The following CSF2RA variants were observed in gnomAD, a reference collection of about 807,000 sequenced individuals.
CSF2RA encodes colony stimulating factor 2 receptor subunit alpha.
A neutral mutation model predicts 51.6 loss-of-function variants in CSF2RA; 42 were observed. The ratio of observed to expected loss-of-function variants is 0.81; its 90% CI spans 0.64 to 1.05. The LOEUF is 1.05. Among genes scored for constraint, CSF2RA ranks in the 50% least tolerant of loss-of-function variants. CSF2RA has a pLI of 0.00. For missense variants in CSF2RA, 530 were observed against 501.1 expected (o/e 1.06, Z -0.55); for synonymous variants, 222 against 193.0 (o/e 1.15, Z -1.24).
the CSF2RA span, among the ~76,000 whole-genome samples, chrX:1,317,912 T>A: frequency 0.035 from 5,320 of 151,286 alleles, 316 homozygotes; most frequent in African/African-American, 0.12. Flanking sequence ...GCTTAAACAA[T>A]CCTCCCACCT....
At position 1,302,556 on chromosome X, in the gene CSF2RA, G is replaced by A. The variant is rs765387190; in HGVS notation, c.947-1367G>A. Among the ~76,000 whole-genome samples the A allele has an allele frequency of 1.3e-3, 205 of 152,264 alleles. 3 individuals carry two copies. The highest frequency in any genetic ancestry group is 4.8e-3 in the African/African-American group (201 of 41,562). On this transcript the variant is annotated intron_variant, in intron 10 of 12. Transcript: ENST00000381529. ...CTCTCGCTCTGTCACCCAGGCTGGA[G>A]TGCAATGGCACGATCTCAGCTCACT...
chrX:1,273,770 T>TCTG, intron 1 of CSF2RA, among the ~76,000 whole-genome samples: 1 of 144,430 alleles, frequency 6.9e-6, no homozygotes, highest in Non-Finnish European at 1.5e-5. Flanking sequence ...TTTTTGTATT[T>TCTG]TTTTTTTTTA....
At chrX:1,284,852 A>T (rs2148290333) in intron 3 of CSF2RA, among the ~76,000 whole-genome samples, 1 of 151,942 alleles carries the variant, frequency 6.6e-6, no homozygotes, top group Non-Finnish European at 1.5e-5. Context: ...TTTTTAGTAG[A>T]GACAGGGTTT....
intron 3 of CSF2RA, among the ~76,000 whole-genome samples, chrX:1,285,333 G>A (rs2090506580): frequency 6.6e-6 from 1 of 152,082 alleles, no homozygotes; most frequent in South Asian, 2.1e-4. Flanking sequence ...GGGGCCATGT[G>A]GGTGACAGAG....
intron 3 of CSF2RA, among the ~76,000 whole-genome samples, chrX:1,284,195 C>CTTTTTTTT (rs752104115): frequency 3.3e-5 from 3 of 91,750 alleles, no homozygotes; most frequent in Admixed American, 1.4e-4. Context: ...CTCTGTCTCT[C>CTTTTTTTT]TTTTTTTTTT....
intron 6 of CSF2RA, 89 bp from the exon 7 acceptor site, chrX:1,290,228 GTGTTTTGTGTTTTTGTGTTT>G: frequency 1.2e-6 from 1 of 807,730 alleles, no homozygotes. Flanking sequence ...TTGTGTTTTT[GTGTTTTGTGTTTTTGTGTTT>G]TGTTTTGTGT....
the CSF2RA span, among the ~76,000 whole-genome samples, chrX:1,319,168 G>A: frequency 8.1e-5 from 12 of 148,136 alleles, no homozygotes; most frequent in African/African-American, 2.9e-4. Flanking sequence ...GCTAATTTTT[G>A]TATTTTTAGT....
Position 1,294,192 on chromosome X carries a change from C to T in CSF2RA, c.647-136C>T, listed in dbSNP as rs183599927. ...TGTCCCTACTCCACCTCCACCTGGA[C>T]CCAGTGTAGACAGGACCTACTCCAC... On this transcript the variant is annotated intron_variant, in intron 7 of 12. Transcript: ENST00000381529. 3.5e-3 allele frequency: 3,767 copies of T among 1,075,946 alleles called. 11 individuals carry two copies. Among genetic ancestry groups the T allele is most frequent in the Non-Finnish European group, 4.8e-3 (3,338 of 694,120 alleles). 66.6% of individuals were successfully genotyped at this position (1,075,946 alleles called of 1,614,324 possible).
At chrX:1,307,115 G>A (rs1444300589) in intron 12 of CSF2RA, among the ~76,000 whole-genome samples, 1 of 152,124 alleles carries the variant, frequency 6.6e-6, no homozygotes, top group Non-Finnish European at 1.5e-5. Context: ...TCCGGCTCAG[G>A]GACTGCGTCT....
intron 12 of CSF2RA, among the ~76,000 whole-genome samples, chrX:1,309,183 C>CAT (rs2083983988): frequency 6.6e-6 from 1 of 151,860 alleles, no homozygotes; most frequent in East Asian, 1.9e-4. Flanking sequence ...TTTGTGGTGG[C>CAT]GGGCGCCTGT....
chrX:1,292,810 C>T (rs1166351421), intron 7 of CSF2RA, among the ~76,000 whole-genome samples: 14 of 152,100 alleles, frequency 9.2e-5, no homozygotes, highest in Non-Finnish European at 1.8e-4. Context: ...TTATCTCAAC[C>T]GCGAGAGGAC....
the CSF2RA span, among the ~76,000 whole-genome samples, chrX:1,322,775 G>A: frequency 1.3e-5 from 2 of 151,936 alleles, no homozygotes; most frequent in African/African-American, 2.4e-5. Flanking sequence ...TTATGTCCAC[G>A]TTAACCTCAG....
rs201595888 is a variant in CSF2RA at position 1,282,696 on chromosome X, C to G, written c.-8C>G. 2.6e-4 allele frequency: 425 copies of G among 1,611,284 alleles called. No homozygotes were observed. Among genetic ancestry groups the G allele is most frequent in the Non-Finnish European group, 3.4e-4 (402 of 1,177,434 alleles). ...CCTGCAGCTCTTCCCTTCTCTCTGACCAGCACCATGCTTCTCCTGGTGACA... is the reference window on the plus strand; with the variant it reads ...CCTGCAGCTCTTCCCTTCTCTCTGAGCAGCACCATGCTTCTCCTGGTGACA... On this transcript the variant is annotated 5_prime_UTR_variant, in exon 3 of 13. Coordinates refer to ENST00000381529, the MANE Select transcript of CSF2RA (RefSeq NM_172245.4).
the CSF2RA span, among the ~76,000 whole-genome samples, chrX:1,316,756 G>C: frequency 4.6e-5 from 7 of 152,206 alleles, no homozygotes; most frequent in Non-Finnish European, 1.0e-4. Context: ...CTCTCATCCT[G>C]TTGAGTCATG....
the CSF2RA span, among the ~76,000 whole-genome samples, chrX:1,317,986 CT>C: frequency 2.0e-5 from 3 of 147,604 alleles, no homozygotes; most frequent in South Asian, 2.2e-4. Flanking sequence ...TTTTTCTTTT[CT>C]TTTTTTTTCT....
chrX:1,318,932 A>C, the CSF2RA span, among the ~76,000 whole-genome samples: 3 of 151,528 alleles, frequency 2.0e-5, no homozygotes, highest in African/African-American at 7.3e-5. Context: ...AAAAAAAGAA[A>C]GAAAATTGCA....
intron 6 of CSF2RA, among the ~76,000 whole-genome samples, chrX:1,289,766 T>G (rs1400841122): frequency 6.6e-6 from 1 of 151,490 alleles, no homozygotes; most frequent in East Asian, 1.9e-4. Flanking sequence ...TTGTTTTGTG[T>G]TTTTGTGTTT....
chrX:1,315,777 AGATAG>A, the CSF2RA span, among the ~76,000 whole-genome samples: 1 of 30,628 alleles, frequency 3.3e-5, no homozygotes, highest in Non-Finnish European at 1.2e-4. Flanking sequence ...GATAATAGAT[AGATAG>A]ATAGATAGAT....
At position 1,277,994 on chromosome X, in the gene CSF2RA, T is replaced by A. The variant is rs866305409; in HGVS notation, c.-27+3176T>A. On this transcript the variant is annotated intron_variant, in intron 2 of 12. Coordinates refer to ENST00000381529, the MANE Select transcript of CSF2RA (RefSeq NM_172245.4). ...TCAGTCTCAAAAAAAAAAAAAAAAA[T>A]TTCAGGGCGAGCAAGTTTATTATGA... Among the ~76,000 whole-genome samples the A allele has an allele frequency of 3.6e-3, 370 of 103,072 alleles. 2 individuals carry two copies. Among genetic ancestry groups the A allele is most frequent in the African/African-American group, 0.012 (335 of 27,288 alleles). The allele number at this position is 103,072 out of a possible 152,430, so 67.6% of individuals were successfully genotyped here.
Sources: gnomAD v4.1 joint callset for allele counts (sites outside exome capture counted in the v4.1 genomes callset) on GRCh38, gnomAD v4.1.1 for gene constraint, MANE v1.5 for transcripts, NCBI Gene and HGNC (gene_info 2026-07-23, HGNC 2026-07-21) for gene names.